GRK5: variants seen among roughly 807,000 people sequenced by gnomAD.
GRK5 encodes the protein g protein-coupled receptor kinase GRK5.
GRK5 carries 40 observed loss-of-function variants against 78.4 expected under a neutral mutation model. That is an observed-to-expected ratio of 0.51 (90% CI 0.40 to 0.66). The LOEUF is 0.66. GRK5 is among the 30% of genes least tolerant of loss of function. The pLI is 0.00. For missense variants in GRK5, 598 were observed against 759.9 expected (o/e 0.79, Z 2.50); for synonymous variants, 289 against 296.8 (o/e 0.97, Z 0.27).
intron 3 of GRK5, among the ~76,000 whole-genome samples, chr10:119,395,522 T>C (rs1414505478): frequency 6.6e-6 from 1 of 152,224 alleles, no homozygotes; most frequent in East Asian, 1.9e-4. Context: ...GCTGTACTTT[T>C]GGACAGAGGC....
intron 1 of GRK5, among the ~76,000 whole-genome samples, 197 bp downstream of exon 1, chr10:119,208,166 G>T (rs989980938): frequency 4.6e-5 from 7 of 152,264 alleles, no homozygotes; most frequent in Non-Finnish European, 8.8e-5. Context: ...CTGGACTTGG[G>T]CTGAGAAGGT....
intron 1 of GRK5, among the ~76,000 whole-genome samples, chr10:119,291,416 C>A (rs936840620): frequency 6.6e-6 from 1 of 152,158 alleles, no homozygotes; most frequent in African/African-American, 2.4e-5. Context: ...TTTGTTCAGT[C>A]TGGAGCTGGG....
At chr10:119,428,407 A>AG (rs1187700987) in intron 6 of GRK5, among the ~76,000 whole-genome samples, 1 of 152,226 alleles carries the variant, frequency 6.6e-6, no homozygotes, top group Non-Finnish European at 1.5e-5. Flanking sequence ...AGACCCCCAG[A>AG]GGGGGGCATG....
At chr10:119,399,273 A>G (rs2133857167) in intron 4 of GRK5, among the ~76,000 whole-genome samples, 1 of 152,332 alleles carries the variant, frequency 6.6e-6, no homozygotes, top group East Asian at 1.9e-4. Context: ...CTGTTTCCCT[A>G]CAATAAACTT....
intron 1 of GRK5, among the ~76,000 whole-genome samples, chr10:119,324,427 G>A (rs967571512): frequency 6.6e-6 from 1 of 152,216 alleles, no homozygotes; most frequent in Non-Finnish European, 1.5e-5. Context: ...AGGAGTTTGA[G>A]ACCGGCCTGG....
chr10:119,401,209 G>A (rs1364801076), intron 4 of GRK5, among the ~76,000 whole-genome samples: 2 of 152,202 alleles, frequency 1.3e-5, no homozygotes, highest in Non-Finnish European at 2.9e-5. Context: ...AAAATTGCTG[G>A]AAGCCAGGAT....
chr10:119,236,301 C>T (rs543093734), intron 1 of GRK5, among the ~76,000 whole-genome samples: 3 of 151,892 alleles, frequency 2.0e-5, no homozygotes, highest in African/African-American at 7.2e-5. Context: ...CTGCAAGCTC[C>T]GCCTCCCGGG....
chr10:119,371,977 A>T (rs1851554179), intron 2 of GRK5, among the ~76,000 whole-genome samples: 1 of 152,212 alleles, frequency 6.6e-6, no homozygotes, highest in Non-Finnish European at 1.5e-5. Flanking sequence ...CTGTGGAGAC[A>T]CTATTGCCAT....
At chr10:119,397,379 G>T (rs927278968) in intron 4 of GRK5, among the ~76,000 whole-genome samples, 20 of 152,342 alleles carry the variant, frequency 1.3e-4, no homozygotes, top group Admixed American at 3.3e-4. Flanking sequence ...CTTCACAGAA[G>T]TGTGTTCTCA....
Position 119,207,923 on chromosome 10 carries a change from G to A in GRK5, c.6G>A (p.Glu2=). 6.2e-7 allele frequency: 1 copy of A among 1,603,194 alleles called. No individual in the cohort carries two copies. Among genetic ancestry groups the A allele is most frequent in the Non-Finnish European group, 8.5e-7 (1 of 1,175,904 alleles). M[E]LENIVANTVL... is the part of the protein sequence containing the mutation. ...TTGCTGACCGCCGACTGTCAATGGAGCTGGAAAACATCGTGGCCAACACGG... is the reference window on the plus strand; with the variant it reads ...TTGCTGACCGCCGACTGTCAATGGAACTGGAAAACATCGTGGCCAACACGG... Residue 2 remains glutamate (E), a synonymous_variant, in exon 1 of 16, where the codon GAG becomes GAA. Transcript: ENST00000392870.
intron 1 of GRK5, among the ~76,000 whole-genome samples, chr10:119,263,213 G>A (rs1192726691): frequency 6.6e-6 from 1 of 152,072 alleles, no homozygotes; most frequent in East Asian, 1.9e-4. Flanking sequence ...CACCATGTTG[G>A]CCAGGCTGGT....
chr10:119,440,087 T>C (rs899397961), intron 10 of GRK5, among the ~76,000 whole-genome samples: 1 of 152,184 alleles, frequency 6.6e-6, no homozygotes, highest in Non-Finnish European at 1.5e-5. Flanking sequence ...ATTTCAGAGA[T>C]GCTGGGCAAA....
chr10:119,396,663 T>C, intron 3 of GRK5, 32 bp from the exon 4 acceptor site: 2 of 1,557,462 alleles, frequency 1.3e-6, no homozygotes, highest in Non-Finnish European at 1.8e-6. Context: ...TGAGCAAACC[T>C]GTTATTGTTC....
chr10:119,251,778 T>A (rs1327958711), intron 1 of GRK5, among the ~76,000 whole-genome samples: 1 of 152,240 alleles, frequency 6.6e-6, no homozygotes, highest in African/African-American at 2.4e-5. Context: ...TTTAACAGCA[T>A]CTGTGGCCTT....
intron 3 of GRK5, among the ~76,000 whole-genome samples, chr10:119,394,397 TGTGTGGGCATGTGTGTGG>T (rs1851979858): frequency 9.0e-6 from 1 of 110,764 alleles, no homozygotes; most frequent in Admixed American, 8.0e-5. Context: ...TCTGTGTCTG[TGTGTGGGCATGTGTGTGG>T]GGGTGTGTGG....
At chr10:119,270,478 G>A (rs985616452) in intron 1 of GRK5, among the ~76,000 whole-genome samples, 3 of 152,212 alleles carry the variant, frequency 2.0e-5, no homozygotes, top group Non-Finnish European at 4.4e-5. Context: ...TGTATAGGAG[G>A]ATATGCATGG....
intron 2 of GRK5, among the ~76,000 whole-genome samples, chr10:119,326,891 T>C (rs1395457014): frequency 1.3e-5 from 2 of 152,264 alleles, no homozygotes; most frequent in Non-Finnish European, 2.9e-5. Flanking sequence ...TATTTAATAT[T>C]TCACTTCACC....
At chr10:119,435,561 AG>A (rs1337837262) in intron 8 of GRK5, among the ~76,000 whole-genome samples, 1 of 152,224 alleles carries the variant, frequency 6.6e-6, no homozygotes, top group African/African-American at 2.4e-5. Flanking sequence ...GTTCCCAACA[AG>A]TTCCTCGTTT....
chr10:119,362,744 T>C (rs1289973457), intron 2 of GRK5, among the ~76,000 whole-genome samples: 15 of 152,192 alleles, frequency 9.9e-5, no homozygotes, highest in Admixed American at 9.8e-4. Context: ...CCTTGGAGCC[T>C]TATTATAGCC....
Sources: gnomAD v4.1 joint callset for allele counts (sites outside exome capture counted in the v4.1 genomes callset) on GRCh38, gnomAD v4.1.1 for gene constraint, MANE v1.5 for transcripts, NCBI Gene and HGNC (gene_info 2026-07-23, HGNC 2026-07-21) for gene names.